The following ACP7 variants were observed in gnomAD, a reference collection of about 807,000 sequenced individuals.
The protein encoded by ACP7 is acid phosphatase type 7.
Under a neutral mutation model 60.6 loss-of-function variants are expected in ACP7, and 58 were observed. That is an observed-to-expected ratio of 0.96 (90% CI 0.77 to 1.19). The LOEUF (loss-of-function observed/expected upper bound fraction) is 1.19. Ranked by LOEUF, ACP7 falls within the 50% of genes most tolerant of loss-of-function variation. The pLI is 0.00. For missense variants in ACP7, 574 were observed against 596.2 expected, an observed-to-expected ratio of 0.96 and a Z score of 0.39; for synonymous variants, 237 against 232.6, an observed-to-expected ratio of 1.02 and a Z score of -0.17.
At chr19:39,092,473 T>C (rs2073214598) in intron 2 of ACP7, among the ~76,000 whole-genome samples, 1 of 152,098 alleles carries the variant, frequency 6.6e-6, no homozygotes, top group South Asian at 2.1e-4. Context: ...ACAGTCCTTT[T>C]TGTCTTTTGT....
rs199596277 is a variant in ACP7, at chr19:39,100,936, C to T, written c.808-13C>T. The T allele has an allele frequency of 1.8e-4, 284 of 1,606,746 alleles. No homozygotes were observed. The highest frequency in any genetic ancestry group is 2.3e-4 in the Non-Finnish European group (268 of 1,177,064). On this transcript the variant is annotated splice_polypyrimidine_tract_variant and intron_variant, in intron 7 of 12. Transcript: ENST00000331256. The stretch of plus-strand genomic sequence containing the variant: ...CTGACTCCTAGCCCCTCACCCTGGG[C>T]CCTTCTCCCTAGAAAGCCAATAAGA...
chr19:39,102,153 C>T (rs993280127), intron 11 of ACP7, among the ~76,000 whole-genome samples: 3 of 150,940 alleles, frequency 2.0e-5, no homozygotes, highest in Non-Finnish European at 4.4e-5. Context: ...CACACACACA[C>T]ACACAAAAGA....
chr19:39,109,947 T>A, intron 12 of ACP7, 106 bp from the exon 13 acceptor site: 1 of 1,134,288 alleles, frequency 8.8e-7, no homozygotes, highest in Admixed American at 1.9e-5. Flanking sequence ...TTGCTCAGGG[T>A]TGTACAGCCC....
chr19:39,107,051 C>A lies in ACP7; in HGVS notation c.1218C>A (p.Thr406=). The A allele has an allele frequency of 6.2e-7, 1 of 1,614,026 alleles. No individual in the cohort carries two copies. The highest frequency in any genetic ancestry group is 8.5e-7 in the Non-Finnish European group (1 of 1,179,990). ...GYTRLHILNG[T]HIHIQQVSDD... is the part of the protein sequence containing the mutation. ...CGCGGCTGCACATCCTCAACGGGAC[C>A]CACATCCACATCCAGCAGGTGTCGG... The change falls in exon 12 of 13, where the codon ACC becomes ACA. Residue 406 remains threonine, a synonymous_variant. Transcript: ENST00000331256.
chr19:39,107,212 C>A, intron 12 of ACP7, 128 bp downstream of exon 12: 1 of 1,054,776 alleles, frequency 9.5e-7, no homozygotes, highest in Non-Finnish European at 1.2e-6. Context: ...TTTGGTGGGG[C>A]TAAGGTATGA....
intron 12 of ACP7, among the ~76,000 whole-genome samples, chr19:39,108,390 C>G (rs1489720966): frequency 6.6e-6 from 1 of 152,208 alleles, no homozygotes; most frequent in Non-Finnish European, 1.5e-5. Flanking sequence ...ATCTGCCTGC[C>G]TCAACCTCCC....
rs2145043118 is a variant in ACP7, at chr19:39,107,202, T to C, written c.1251+118T>C. 5 of 1,135,146 alleles carry C rather than the reference T, an allele frequency of 4.4e-6. No individual in the cohort carries two copies. The Middle Eastern group carries it at 1.1e-3, about 243-fold the overall frequency. The allele number at this position is 1,135,146 out of a possible 1,614,324, so 70.3% of individuals were successfully genotyped here. On this transcript the variant is annotated intron_variant, in intron 12 of 12. Coordinates refer to ENST00000331256, the MANE Select transcript of ACP7 (RefSeq NM_001004318.3). The stretch of plus-strand genomic sequence containing the variant: ...TGGCTCATGCCTGCAACACCTGCAA[T>C]TTGGTGGGGCTAAGGTATGAGGATC...
At chr19:39,085,068 C>A in intron 1 of ACP7, 24 bp from the exon 2 acceptor site, 1 of 582,360 alleles carries the variant, frequency 1.7e-6, no homozygotes, top group Non-Finnish European at 2.9e-6. Context: ...CTTAGCGATT[C>A]TTATTTTTGG....
rs759680946 is a variant in ACP7, at chr19:39,099,142, G to T, written c.505G>T (p.Gly169Ter). Residue 169 changes from glycine to a stop codon, truncating the protein, a stop_gained and splice_region_variant, in exon 4 of 13, where the codon GGA becomes TGA. Transcript: ENST00000331256. LOFTEE classifies it high-confidence loss of function. ...CATGTATGACGCCGTTCTCCATGTG[G>T]GTGAGGCATCCGCAGGGGCGCGCGC... is the stretch of plus-strand genomic sequence containing the variant. ...QGMYDAVLHV[G>*]DFAYNLDQDN... 4 of 1,520,810 alleles carry T rather than the reference G, an allele frequency of 2.6e-6. No individual in the cohort carries two copies. In the South Asian group the frequency reaches 3.8e-5, roughly 15 times the overall value. 94.2% of individuals were successfully genotyped at this position (1,520,810 alleles called of 1,614,324 possible).
chr19:39,092,222 A>C lies in ACP7; in HGVS notation c.122-6236A>C, dbSNP rs569598863. On this transcript the variant is annotated intron_variant, in intron 2 of 12. Coordinates refer to ENST00000331256, the MANE Select transcript of ACP7 (RefSeq NM_001004318.3). ...ACCCGGTCTCTACTAAAAATACAAA[A>C]AATTAGCCATGTGTGTTGGCAGATG... Among the ~76,000 whole-genome samples the C allele has an allele frequency of 3.3e-5, 5 of 152,196 alleles. No homozygotes were observed. The South Asian group carries it at 1.0e-3, about 32-fold the overall frequency.
At chr19:39,109,183 G>T (rs562407803) in intron 12 of ACP7, among the ~76,000 whole-genome samples, 1 of 152,266 alleles carries the variant, frequency 6.6e-6, no homozygotes, top group African/African-American at 2.4e-5. Context: ...CATTTTATAG[G>T]TGAGGGAACT....
In ACP7 at chr19:39,098,636, G is replaced by A. The variant is rs764542271; in HGVS notation, c.300G>A (p.Lys100=). 6.2e-6 allele frequency: 10 copies of A among 1,612,486 alleles called. No homozygotes were observed. Among genetic ancestry groups the A allele is most frequent in the South Asian group, 2.2e-5 (2 of 90,702 alleles). ...ACATACACCGAGTCACGCTTCGCAA[G>A]CTGCTGCCAGGGGTTCAGTATGGTG... ...KLYIHRVTLR[K]LLPGVQYVYR... The change falls in exon 3 of 13, where the codon AAG becomes AAA. Residue 100 remains lysine, a synonymous_variant. Transcript: ENST00000331256.
rs2073342593 is a variant in ACP7, at chr19:39,101,337, G to C, written c.1023G>C (p.Trp341Cys). 2 of 1,614,164 alleles carry C rather than the reference G, an allele frequency of 1.2e-6. No individual in the cohort carries two copies. The highest frequency in any genetic ancestry group is 1.1e-5 in the South Asian group (1 of 91,078). Residue 341 changes from tryptophan (W) to cysteine (C), a missense_variant, in exon 10 of 13, where the codon TGG (tryptophan) becomes TGC (cysteine). Physicochemically the swap from Trp to Cys is radical, Grantham distance 215. Transcript: ENST00000331256. ...WAHEHSYERL[W>C]PIYNYQVFNG... The stretch of plus-strand genomic sequence containing the variant: ...ATGAGCACTCGTATGAACGACTGTG[G>C]CCAATTTACAACTACCAGGTGAGGC...
Position 39,099,905 on chromosome 19 carries a change from A to G in ACP7, c.506-322A>G, listed in dbSNP as rs950564734. ...CTGCTTGGGAGGCTGAGGCAGGAGA[A>G]CCGCTTGAACCCAGGAGGCAGAGGT... On this transcript the variant is annotated intron_variant, in intron 4 of 12. Coordinates refer to ENST00000331256, the MANE Select transcript of ACP7 (RefSeq NM_001004318.3). 5.3e-5 allele frequency among the ~76,000 whole-genome samples: 8 copies of G among 150,122 alleles called. No individual in the cohort carries two copies. In the Admixed American group the frequency reaches 5.4e-4, roughly 10 times the overall value.
intron 2 of ACP7, among the ~76,000 whole-genome samples, chr19:39,086,552 C>T (rs2073143239): frequency 6.7e-6 from 1 of 148,952 alleles, no homozygotes; most frequent in South Asian, 2.1e-4. Context: ...ATCGCTTGAG[C>T]CCAGGAGGCA....
chr19:39,109,973 G>C, intron 12 of ACP7, 80 bp from the exon 13 acceptor site: 2 of 1,404,730 alleles, frequency 1.4e-6, no homozygotes. Flanking sequence ...AGGGCAGAGA[G>C]GGGACTGGAA....
intron 12 of ACP7, among the ~76,000 whole-genome samples, chr19:39,109,001 T>C (rs1263464909): frequency 1.3e-5 from 2 of 152,082 alleles, no homozygotes; most frequent in Admixed American, 1.3e-4. Context: ...TTTGTATTTT[T>C]AGTAGAGATG....
chr19:39,107,375 G>A (rs1350048566), intron 12 of ACP7, among the ~76,000 whole-genome samples: 1 of 151,926 alleles, frequency 6.6e-6, no homozygotes, highest in East Asian at 1.9e-4. Flanking sequence ...AAGGTCAGGA[G>A]ATCGAGACCA....
intron 11 of ACP7, among the ~76,000 whole-genome samples, chr19:39,103,431 A>C: frequency 8.0e-6 from 1 of 124,600 alleles, no homozygotes; most frequent in Non-Finnish European, 1.6e-5. Flanking sequence ...ACATTCCAGG[A>C]TCATCATGTG....
Sources: allele counts gnomAD v4.1 joint callset (sites outside exome capture counted in the v4.1 genomes callset), GRCh38; gene constraint gnomAD v4.1.1; transcripts MANE v1.5; gene names NCBI Gene and HGNC (gene_info 2026-07-23, HGNC 2026-07-21).